STX18: variants seen among roughly 807,000 people sequenced by gnomAD.
STX18 encodes syntaxin 18, also known as syntaxin-18.
A neutral mutation model predicts 50.1 loss-of-function variants in STX18; 40 were observed. The ratio of observed to expected loss-of-function variants is 0.80; its 90% confidence interval spans 0.62 to 1.04. STX18 has a LOEUF of 1.04. Among genes scored for constraint, STX18 ranks in the 50% least tolerant of loss-of-function variants. The pLI is 0.00. For missense variants in STX18, 410 were observed against 415.8 expected (o/e 0.99, Z 0.12); for synonymous variants, 158 against 151.8 (o/e 1.04, Z -0.30).
chr4:4,526,989 C>G lies in STX18; in HGVS notation c.168+14808G>C, dbSNP rs1451357751. Among the ~76,000 whole-genome samples the G allele has an allele frequency of 2.0e-5, 3 of 152,086 alleles. No individual in the cohort carries two copies. The East Asian group carries it at 5.8e-4, about 29-fold the overall frequency. On this transcript the variant is annotated intron_variant, in intron 1 of 10. Coordinates refer to ENST00000306200, the MANE Select transcript of STX18 (RefSeq NM_016930.4). The stretch of plus-strand genomic sequence containing the variant: ...AATTCATCACCTCTCCTTGATAGCT[C>G]TTCTTTTTCTTCCTTCTCTTAATTT...
intron 1 of STX18, among the ~76,000 whole-genome samples, chr4:4,501,998 G>A (rs997576403): frequency 3.3e-5 from 5 of 152,120 alleles, no homozygotes; most frequent in Non-Finnish European, 4.4e-5. Context: ...CAGAAAAACA[G>A]AAAGCTCCAG....
intron 5 of STX18, 135 bp from the exon 6 acceptor site, chr4:4,438,644 C>G: frequency 3.0e-6 from 2 of 662,174 alleles, no homozygotes; most frequent in Non-Finnish European, 5.2e-6. Flanking sequence ...GCCTCTGGGC[C>G]CAGTGGCCAT....
chr4:4,472,779 CT>C lies in STX18; in HGVS notation c.169-1074del, dbSNP rs563623050. Among the ~76,000 whole-genome samples, 23 of 152,302 alleles carry C rather than the reference CT, an allele frequency of 1.5e-4. 1 individual carries two copies. In the East Asian group the frequency reaches 4.2e-3, roughly 28 times the overall value. ...GAAGCACAGAGGTGATCAATAAACA[CT>C]GTGGAATGAGTATATGCCTAAATAC... On this transcript the variant is annotated intron_variant, in intron 1 of 10. Coordinates refer to ENST00000306200, the MANE Select transcript of STX18 (RefSeq NM_016930.4).
chr4:4,504,454 T>C (rs1729601864), intron 1 of STX18, among the ~76,000 whole-genome samples: 1 of 152,212 alleles, frequency 6.6e-6, no homozygotes, highest in Non-Finnish European at 1.5e-5. Context: ...GATACAGGAG[T>C]ACACAGACAA....
intron 1 of STX18, among the ~76,000 whole-genome samples, chr4:4,489,382 T>C (rs1432641322): frequency 7.3e-6 from 1 of 136,496 alleles, no homozygotes; most frequent in East Asian, 2.2e-4. Context: ...TCAATACACA[T>C]GCAAAATAAT....
intron 1 of STX18, among the ~76,000 whole-genome samples, chr4:4,483,111 CA>C (rs1245342126): frequency 6.6e-6 from 1 of 152,154 alleles, no homozygotes; most frequent in Non-Finnish European, 1.5e-5. Flanking sequence ...GGCTGGTTAA[CA>C]GGGGGGCATG....
chr4:4,501,098 C>T (rs964597464), intron 1 of STX18, among the ~76,000 whole-genome samples: 1 of 152,140 alleles, frequency 6.6e-6, no homozygotes, highest in Non-Finnish European at 1.5e-5. Context: ...TGTTGTTGGA[C>T]ACCTAGTTTG....
chr4:4,542,042 A>C lies in STX18; in HGVS notation c.-78T>G, dbSNP rs1731636379. ...GACCGCGGCGCGAACCCGGCCGCTG[A>C]AGGACTGGTCCTGCCCCACACGCCT... On this transcript the variant is annotated 5_prime_UTR_variant, in exon 1 of 11. Transcript: ENST00000306200. 1 of 1,456,806 alleles carries C rather than the reference A, an allele frequency of 6.9e-7. No individual in the cohort carries two copies. The highest frequency in any genetic ancestry group is 2.7e-5 in the East Asian group (1 of 36,660). 90.2% of individuals were successfully genotyped at this position (1,456,806 alleles called of 1,614,324 possible).
rs779731007 is a variant in STX18 at position 4,434,874 on chromosome 4, T to C, written c.614-16A>G. On this transcript the variant is annotated splice_polypyrimidine_tract_variant and intron_variant, in intron 6 of 10. Transcript: ENST00000306200. ...AAAATTTTTTCTGTTAAAAAAAAAA[T>C]TGAAAATAGAAGACCAAATATGTGT... 5 of 1,556,592 alleles carry C rather than the reference T, an allele frequency of 3.2e-6. No homozygotes were observed. The highest frequency in any genetic ancestry group is 1.4e-5 in the African/African-American group (1 of 72,616).
At chr4:4,471,850 A>G (rs6846409) in intron 1 of STX18, 144 bp from the exon 2 acceptor site, 32,725 of 565,178 alleles carry the variant, frequency 0.058, 2,631 homozygotes, top group African/African-American at 0.29. Context: ...ACTCTCGTAC[A>G]GTCACAAATT....
intron 5 of STX18, among the ~76,000 whole-genome samples, chr4:4,438,793 G>A (rs11943360): frequency 0.37 from 55,963 of 151,742 alleles, 14,918 homozygotes; most frequent in African/African-American, 0.76. Context: ...TGCTGAATAC[G>A]CTCCATAGAC....
At chr4:4,511,948 G>T (rs946689180) in intron 1 of STX18, among the ~76,000 whole-genome samples, 27 of 151,998 alleles carry the variant, frequency 1.8e-4, no homozygotes, top group African/African-American at 6.0e-4. Flanking sequence ...GGAGGTGGGG[G>T]TGTTTGTGGG....
chr4:4,504,751 T>C (rs1007392182), intron 1 of STX18, among the ~76,000 whole-genome samples: 30 of 152,208 alleles, frequency 2.0e-4, no homozygotes, highest in African/African-American at 7.2e-4. Flanking sequence ...TTAACAATGA[T>C]GTATCACTAC....
In STX18 at chr4:4,420,200, C is replaced by G; in HGVS notation, c.913-71G>C. On this transcript the variant is annotated intron_variant, in intron 10 of 10. Coordinates refer to ENST00000306200, the MANE Select transcript of STX18 (RefSeq NM_016930.4). The surrounding 1 kb of genome is among the most constrained non-coding windows in gnomAD (Gnocchi z 4.3). ...GGTTTGAGCAGCCCTGAAATGCCCC[C>G]CTCTTCCCACGTGCTCTCCTGATCC... 1 of 1,219,704 alleles carries G rather than the reference C, an allele frequency of 8.2e-7. No individual in the cohort carries two copies. Among genetic ancestry groups the G allele is most frequent in the Non-Finnish European group, 1.2e-6 (1 of 852,562 alleles). The allele number at this position is 1,219,704 out of a possible 1,614,324, so 75.6% of individuals were successfully genotyped here. A position where few individuals can be genotyped will look rare whatever the true frequency, so the allele number is the denominator to read the frequency against.
intron 5 of STX18, among the ~76,000 whole-genome samples, chr4:4,443,374 T>C (rs1416425923): frequency 6.6e-6 from 1 of 152,138 alleles, no homozygotes; most frequent in Non-Finnish European, 1.5e-5. Flanking sequence ...TCAAACAAGA[T>C]GGGGAAAAGC....
At position 4,471,200 on chromosome 4, in the gene STX18, G is replaced by A. The variant is rs571586752; in HGVS notation, c.236+439C>T. Among the ~76,000 whole-genome samples the A allele has an allele frequency of 2.0e-5, 3 of 152,282 alleles. No individual in the cohort carries two copies. In the East Asian group the frequency reaches 5.8e-4, roughly 29 times the overall value. On this transcript the variant is annotated intron_variant, in intron 2 of 10. Transcript: ENST00000306200. Reference sequence around the variant, plus strand: ...GCATGATCCAGCGACGTGAGGGTAAGGACTGAAATGTGCTCATGAGAACGT... The same window carrying A: ...GCATGATCCAGCGACGTGAGGGTAAAGACTGAAATGTGCTCATGAGAACGT...
chr4:4,465,756 C>T (rs1727591805), intron 2 of STX18, among the ~76,000 whole-genome samples: 1 of 152,080 alleles, frequency 6.6e-6, no homozygotes, highest in Admixed American at 6.5e-5. Flanking sequence ...ACACATGTAC[C>T]CAGGAACTTA....
intron 5 of STX18, among the ~76,000 whole-genome samples, chr4:4,446,985 T>C (rs1230127003): frequency 2.0e-5 from 3 of 152,180 alleles, no homozygotes; most frequent in Non-Finnish European, 4.4e-5. Flanking sequence ...AGGGTAAGTC[T>C]CAAAAATAAA....
chr4:4,487,771 C>T (rs1031067395), intron 1 of STX18, among the ~76,000 whole-genome samples: 1 of 152,178 alleles, frequency 6.6e-6, no homozygotes, highest in Non-Finnish European at 1.5e-5. Flanking sequence ...CAACATAATA[C>T]ATCCCACATC....
Sources: allele counts gnomAD v4.1 joint callset (sites outside exome capture counted in the v4.1 genomes callset), GRCh38; gene constraint gnomAD v4.1.1; non-coding constraint Gnocchi (gnomAD v3.1); transcripts MANE v1.5; gene names NCBI Gene and HGNC (gene_info 2026-07-23, HGNC 2026-07-21).